Variants in ELMO1 observed in about 807,000 individuals in gnomAD.
The protein encoded by ELMO1 is engulfment and cell motility 1.
A neutral mutation model predicts 98.9 loss-of-function variants in ELMO1; 26 were observed. The observed-to-expected ratio is 0.26, with a 90% CI of 0.19 to 0.36. ELMO1 has a LOEUF of 0.36. ELMO1 is among the 10% of genes least tolerant of loss of function. ELMO1 has a pLI of 1.00. For missense variants in ELMO1, 627 were observed against 935.2 expected, an observed-to-expected ratio of 0.67 and a Z score of 4.30; for synonymous variants, 346 against 346.0, an observed-to-expected ratio of 1.00 and a Z score of 0.00.
intron 13 of ELMO1, among the ~76,000 whole-genome samples, chr7:37,186,003 T>C (rs556571234): frequency 2.0e-5 from 3 of 152,270 alleles, no homozygotes; most frequent in East Asian, 1.9e-4. Flanking sequence ...ACACCCTCCA[T>C]AGCCAAAATA....
At chr7:37,204,984 C>T (rs777200647) in intron 13 of ELMO1, among the ~76,000 whole-genome samples, 19 of 152,216 alleles carry the variant, frequency 1.2e-4, no homozygotes, top group Non-Finnish European at 2.5e-4. Flanking sequence ...CATTTACAAA[C>T]CTTTAGCTAG....
chr7:37,436,993 C>T (rs1805178010), intron 1 of ELMO1, among the ~76,000 whole-genome samples: 1 of 152,208 alleles, frequency 6.6e-6, no homozygotes, highest in Non-Finnish European at 1.5e-5. Flanking sequence ...TTTACAACCA[C>T]CCACCTGCCA....
At chr7:37,298,456 C>CT (rs1218710347) in intron 4 of ELMO1, among the ~76,000 whole-genome samples, 1 of 141,558 alleles carries the variant, frequency 7.1e-6, no homozygotes, top group African/African-American at 2.8e-5. Flanking sequence ...CTCCTCCCTC[C>CT]CCCGACCCCA....
chr7:37,332,859 A>G (rs982668713), intron 2 of ELMO1, among the ~76,000 whole-genome samples: 2 of 152,142 alleles, frequency 1.3e-5, no homozygotes, highest in African/African-American at 4.8e-5. Context: ...AATGGATTGG[A>G]GGGGAAGGAA....
In ELMO1 at chr7:37,204,611, CCTG is replaced by C. The variant is rs1196097458; in HGVS notation, c.1086+6772_1086+6774del. Reference sequence around the variant, plus strand: ...GGGTTGCCGCTGCTGGCGCAGGTGGCCTGCTTTTTTTTCCCTTCTTTGGCCCCG... The same window carrying C: ...GGGTTGCCGCTGCTGGCGCAGGTGGCCTTTTTTTTCCCTTCTTTGGCCCCG... On this transcript the variant is annotated intron_variant, in intron 13 of 21. Coordinates refer to ENST00000310758, the MANE Select transcript of ELMO1 (RefSeq NM_014800.11). 5.3e-5 allele frequency among the ~76,000 whole-genome samples: 8 copies of C among 152,188 alleles called. 1 individual carries two copies. Among genetic ancestry groups the C allele is most frequent in the Admixed American group, 1.3e-4 (2 of 15,284 alleles).
At chr7:37,045,619 T>C (rs1795752908) in intron 15 of ELMO1, among the ~76,000 whole-genome samples, 1 of 152,162 alleles carries the variant, frequency 6.6e-6, no homozygotes, top group African/African-American at 2.4e-5. Context: ...ATACCACTTA[T>C]TTGAACTTGG....
At chr7:37,368,112 C>T (rs1801975548) in intron 1 of ELMO1, among the ~76,000 whole-genome samples, 1 of 152,088 alleles carries the variant, frequency 6.6e-6, no homozygotes, top group African/African-American at 2.4e-5. Flanking sequence ...CCTTTAAAAT[C>T]AAAAACAAGG....
chr7:37,048,152 G>A (rs1795905423), intron 15 of ELMO1, among the ~76,000 whole-genome samples: 1 of 152,154 alleles, frequency 6.6e-6, no homozygotes, highest in African/African-American at 2.4e-5. Context: ...GGCTTGTCCT[G>A]TGCATTGAAG....
intron 1 of ELMO1, among the ~76,000 whole-genome samples, chr7:37,397,166 C>T (rs1222579969): frequency 1.3e-5 from 2 of 152,298 alleles, no homozygotes; most frequent in East Asian, 1.9e-4. Context: ...ATTTAATTTA[C>T]TTATATATCA....
chr7:37,111,875 C>T (rs1785270377), intron 14 of ELMO1, among the ~76,000 whole-genome samples: 1 of 152,194 alleles, frequency 6.6e-6, no homozygotes, highest in Non-Finnish European at 1.5e-5. Context: ...TCTTCTTCAT[C>T]ATTGGCTTAT....
chr7:37,094,745 A>G (rs1784286964), intron 15 of ELMO1, among the ~76,000 whole-genome samples: 1 of 152,252 alleles, frequency 6.6e-6, no homozygotes, highest in East Asian at 1.9e-4. Context: ...GAAAATGAAC[A>G]CAACTACTCA....
chr7:37,116,859 T>C, intron 14 of ELMO1: 1 of 186,752 alleles, frequency 5.4e-6, no homozygotes, highest in Admixed American at 5.3e-5. Flanking sequence ...CGGCAATGAC[T>C]TCCACAGGAA....
chr7:37,422,562 T>C (rs1439155566), intron 1 of ELMO1, among the ~76,000 whole-genome samples: 1 of 152,236 alleles, frequency 6.6e-6, no homozygotes, highest in African/African-American at 2.4e-5. Context: ...TGTTAAGTCA[T>C]GAAGCAAATG....
At chr7:36,946,267 C>T (rs1358588047) in intron 16 of ELMO1, among the ~76,000 whole-genome samples, 1 of 152,220 alleles carries the variant, frequency 6.6e-6, no homozygotes, top group Non-Finnish European at 1.5e-5. Flanking sequence ...CATTAGCCTG[C>T]TGTTTCCCTG....
intron 15 of ELMO1, among the ~76,000 whole-genome samples, chr7:37,070,292 T>C (rs1797200604): frequency 6.6e-6 from 1 of 152,224 alleles, no homozygotes; most frequent in South Asian, 2.1e-4. Context: ...TCACAAGCCT[T>C]CCACATCTTG....
At chr7:37,109,469 C>G (rs1563006808) in intron 14 of ELMO1, among the ~76,000 whole-genome samples, 1 of 152,100 alleles carries the variant, frequency 6.6e-6, no homozygotes, top group African/African-American at 2.4e-5. Context: ...AAGAATGTCC[C>G]CTTCCCTTCC....
intron 16 of ELMO1, among the ~76,000 whole-genome samples, chr7:36,998,318 G>A (rs1025071211): frequency 8.5e-5 from 13 of 152,166 alleles, no homozygotes; most frequent in Admixed American, 2.6e-4. Context: ...TGTCTTTTGT[G>A]GCTACAGAGG....
At position 37,164,999 on chromosome 7, in the gene ELMO1, CCTTTT is replaced by C. The variant is rs1243899231; in HGVS notation, c.1087-31770_1087-31766del. 3.9e-5 allele frequency among the ~76,000 whole-genome samples: 6 copies of C among 151,974 alleles called. No individual in the cohort carries two copies. The East Asian group carries it at 1.2e-3, about 29-fold the overall frequency. Reference sequence around the variant, plus strand: ...GGAATGTTCTTCCATTTGTTTGTATCCTTTTATTTCATTGAGCAGTGCTTTGTAGT... The same window carrying C: ...GGAATGTTCTTCCATTTGTTTGTATCATTTCATTGAGCAGTGCTTTGTAGT... On this transcript the variant is annotated intron_variant, in intron 13 of 21. Transcript: ENST00000310758.
chr7:37,233,776 G>A (rs73108991), intron 7 of ELMO1, among the ~76,000 whole-genome samples: 3,067 of 152,180 alleles, frequency 0.02, 93 homozygotes, highest in African/African-American at 0.067. Context: ...ATACAAACAT[G>A]TATGCAAGTA....
Sources: gnomAD v4.1 joint callset for allele counts (sites outside exome capture counted in the v4.1 genomes callset) on GRCh38, gnomAD v4.1.1 for gene constraint, MANE v1.5 for transcripts, NCBI Gene and HGNC (gene_info 2026-07-23, HGNC 2026-07-21) for gene names.